CACNA1I: variants seen among roughly 807,000 people sequenced by gnomAD.
CACNA1I encodes the protein calcium voltage-gated channel subunit alpha1 I, also known as voltage-dependent T-type calcium channel subunit alpha-1I.
Under a neutral mutation model 201.6 loss-of-function variants are expected in CACNA1I, and 74 were observed. That is an observed-to-expected ratio of 0.37 (90% CI 0.30 to 0.45). The LOEUF (loss-of-function observed/expected upper bound fraction) is 0.45, where lower values mean the gene tolerates loss of function less well. CACNA1I is among the 20% of genes least tolerant of loss of function. CACNA1I has a pLI of 1.00. For synonymous variants in CACNA1I, 1,431 were observed against 1,345.2 expected, an observed-to-expected ratio of 1.06 and a Z score of -1.40; for missense variants, 2,346 against 3,138.1, an observed-to-expected ratio of 0.75 and a Z score of 6.03.
intron 1 of CACNA1I, among the ~76,000 whole-genome samples, chr22:39,579,526 G>A (rs1369972730): frequency 6.6e-6 from 1 of 152,244 alleles, no homozygotes; most frequent in Admixed American, 6.5e-5. Context: ...TGTACAAGAA[G>A]TGTGATGCCA....
intron 10 of CACNA1I, among the ~76,000 whole-genome samples, chr22:39,656,191 A>G (rs1461217413): frequency 2.6e-5 from 4 of 151,612 alleles, no homozygotes; most frequent in Non-Finnish European, 4.4e-5. Flanking sequence ...TAGCTTTCCC[A>G]GGCATCAGGC....
At chr22:39,607,404 C>T (rs1469573892) in intron 3 of CACNA1I, among the ~76,000 whole-genome samples, 1 of 152,242 alleles carries the variant, frequency 6.6e-6, no homozygotes, top group Non-Finnish European at 1.5e-5. Context: ...CTCAGGGATC[C>T]ACTGCCAGCA....
rs766393860 is a variant in CACNA1I, at chr22:39,682,501, G to A, written c.5670G>A (p.Glu1890=). Reference sequence around the variant, plus strand: ...CTACCTCCCTTTCCTTGCAGGGTGAGCTGGACCCACCTGAGCCCATGCGTG... The same window carrying A: ...CTACCTCCCTTTCCTTGCAGGGTGAACTGGACCCACCTGAGCCCATGCGTG... ...CPPGRKDSKG[E]LDPPEPMRVG... Residue 1890 remains glutamate, a synonymous_variant, in exon 35 of 37, where the codon GAG becomes GAA. Coordinates refer to ENST00000402142, the MANE Select transcript of CACNA1I (RefSeq NM_021096.4). 3.7e-6 allele frequency: 6 copies of A among 1,613,428 alleles called. No individual in the cohort carries two copies. In the East Asian group the frequency reaches 8.9e-5, roughly 24 times the overall value.
rs748486190 is a variant in CACNA1I, at chr22:39,673,021, T to C, written c.4722T>C (p.Asn1574=). 291 of 1,613,700 alleles carry C rather than the reference T, an allele frequency of 1.8e-4. 1 individual carries two copies. The East Asian group carries it at 6.4e-3, about 35-fold the overall frequency. The change falls in exon 28 of 37, where the codon AAT becomes AAC. Residue 1574 remains asparagine (N), a synonymous_variant. Coordinates refer to ENST00000402142, the MANE Select transcript of CACNA1I (RefSeq NM_021096.4). ...TCACCCTGGAGGAGATCGAGATCAA[T>C]GCGGCCCTGCCCATCAATCCCACCA... The part of the protein sequence containing the change: ...MGITLEEIEI[N]AALPINPTII...
At chr22:39,574,948 C>T (rs1932296722) in intron 1 of CACNA1I, among the ~76,000 whole-genome samples, 1 of 152,246 alleles carries the variant, frequency 6.6e-6, no homozygotes, top group Non-Finnish European at 1.5e-5. Context: ...CCTGACTCAG[C>T]TCCTCTTCCA....
chr22:39,653,723 T>C (rs909449282), intron 10 of CACNA1I, among the ~76,000 whole-genome samples: 1 of 152,162 alleles, frequency 6.6e-6, no homozygotes, highest in Non-Finnish European at 1.5e-5. Flanking sequence ...GGTGCTTGAA[T>C]GACAGGTTAG....
Position 39,662,252 on chromosome 22 carries a change from C to G in CACNA1I, c.3189C>G (p.Asp1063Glu), listed in dbSNP as rs955346028. 40 of 1,524,760 alleles carry G rather than the reference C, an allele frequency of 2.6e-5. No individual in the cohort carries two copies. The highest frequency in any genetic ancestry group is 3.2e-5 in the Non-Finnish European group (37 of 1,140,976). The allele number at this position is 1,524,760 out of a possible 1,614,324, so 94.5% of individuals were successfully genotyped here. A position where few individuals can be genotyped will look rare whatever the true frequency, so the allele number is the denominator to read the frequency against. The change falls in exon 17 of 37, where the codon GAC (aspartate) becomes GAG (glutamate). Residue 1063 changes from aspartate to glutamate, a missense_variant. Physicochemically the swap from Asp to Glu is conservative, Grantham distance 45. Around this residue, in one of 13 missense-constraint regions of CACNA1I, gnomAD observed 288 missense variants for 255.2 expected, o/e 1.13. Coordinates refer to ENST00000402142, the MANE Select transcript of CACNA1I (RefSeq NM_021096.4). ...GGACGCTGTCCCTCGACAACAGGGA[C>G]TCGGTGGACCTGGCCGAGCTGGTGC... ...HRRTLSLDNR[D>E]SVDLAELVPA...
chr22:39,677,427 A>G lies in CACNA1I; in HGVS notation c.4933+8A>G. 6.5e-7 allele frequency: 1 copy of G among 1,545,224 alleles called. No homozygotes were observed. The highest frequency in any genetic ancestry group is 1.2e-5 in the South Asian group (1 of 83,018). On this transcript the variant is annotated splice_region_variant and intron_variant, in intron 30 of 36. Transcript: ENST00000402142. The surrounding 1 kb of genome is among the most constrained non-coding windows in gnomAD (Gnocchi z 4.8). ...AGCTCTTTGGGAAGCTGGGTGAGTG[A>G]CTCCCAGAGCAGGCCCGTGGTGGGG...
intron 1 of CACNA1I, among the ~76,000 whole-genome samples, chr22:39,597,206 G>A (rs1307703398): frequency 1.3e-5 from 2 of 152,160 alleles, no homozygotes; most frequent in African/African-American, 2.4e-5. Flanking sequence ...AGCAGGCTTC[G>A]GATTTCTTAC....
Position 39,684,579 on chromosome 22 carries a change from C to G in CACNA1I, c.6027+81C>G. 6.8e-7 allele frequency: 1 copy of G among 1,475,946 alleles called. No homozygotes were observed. Among genetic ancestry groups the G allele is most frequent in the Non-Finnish European group, 9.3e-7 (1 of 1,076,136 alleles). The allele number at this position is 1,475,946 out of a possible 1,614,324, so 91.4% of individuals were successfully genotyped here. On this transcript the variant is annotated intron_variant, in intron 36 of 36. Transcript: ENST00000402142. This position sits in a 1 kb window ranked among gnomAD's most constrained non-coding sequence, Gnocchi z 4.6. The stretch of plus-strand genomic sequence containing the variant: ...AAGCCAGGCCTGGAAGTCCAAGGGA[C>G]TGGGAGGGGAAGGACCCAACCAAAG...
chr22:39,660,206 A>G (rs1404608407), intron 14 of CACNA1I, 138 bp from the exon 15 acceptor site: 1 of 643,274 alleles, frequency 1.6e-6, no homozygotes, highest in East Asian at 2.8e-5. Context: ...TCTTGTTAGC[A>G]TCTCATTTCC....
At chr22:39,662,989 C>T (rs897437543) in intron 18 of CACNA1I, 113 bp downstream of exon 18, 2 of 729,912 alleles carry the variant, frequency 2.7e-6, no homozygotes, top group African/African-American at 1.7e-5. Flanking sequence ...CACAGCGGAC[C>T]CTCCCGGCCC....
At chr22:39,606,998 C>T (rs1789649574) in intron 3 of CACNA1I, among the ~76,000 whole-genome samples, 1 of 152,160 alleles carries the variant, frequency 6.6e-6, no homozygotes, top group African/African-American at 2.4e-5. Flanking sequence ...CAACCAGAAA[C>T]AAAATGGCCA....
chr22:39,668,578 C>T (rs950081194), intron 24 of CACNA1I, among the ~76,000 whole-genome samples, 197 bp downstream of exon 24: 2 of 152,156 alleles, frequency 1.3e-5, no homozygotes, highest in African/African-American at 2.4e-5. Flanking sequence ...CGTAAGTCGT[C>T]GTTCCATTTG....
At chr22:39,664,008 G>C in intron 19 of CACNA1I, 83 bp from the exon 20 acceptor site, 2 of 1,540,946 alleles carry the variant, frequency 1.3e-6, no homozygotes, top group South Asian at 1.1e-5. Flanking sequence ...TCTCCTCTAC[G>C]AACCTTGGCC....
Position 39,679,126 on chromosome 22 carries a change from C to T in CACNA1I, c.5075C>T (p.Thr1692Ile). The change falls in exon 32 of 37, where the codon ACC becomes ATC. Residue 1692 changes from threonine to isoleucine, a missense_variant. Around this residue, in one of 13 missense-constraint regions of CACNA1I, gnomAD observed 64 missense variants for 131.8 expected, o/e 0.49. Coordinates refer to ENST00000402142, the MANE Select transcript of CACNA1I (RefSeq NM_021096.4). Reference sequence around the variant, plus strand: ...ACGCAGGACACGCTGCGGGACTGCACCCACGACGAGCGCAGCTGCCTGAGC... The same window carrying T: ...ACGCAGGACACGCTGCGGGACTGCATCCACGACGAGCGCAGCTGCCTGAGC... The part of the protein sequence containing the change: ...GIMKDTLRDC[T>I]HDERSCLSSL... 6.3e-7 allele frequency: 1 copy of T among 1,593,924 alleles called. No homozygotes were observed. Among genetic ancestry groups the T allele is most frequent in the East Asian group, 2.3e-5 (1 of 43,862 alleles).
rs1335369572 is a variant in CACNA1I, at chr22:39,686,030, C to T, written c.6297C>T (p.His2099=). ...GCTCCACCAGCCCGGGCTGCACCCA[C>T]CACGACTCCATGGACCCCTCGGACG... The part of the protein sequence containing the change: ...SGGSTSPGCT[H]HDSMDPSDEE... The change falls in exon 37 of 37, where the codon CAC becomes CAT. Residue 2099 remains histidine, a synonymous_variant. Transcript: ENST00000402142. 4.0e-6 allele frequency: 5 copies of T among 1,239,676 alleles called. No individual in the cohort carries two copies. Among genetic ancestry groups the T allele is most frequent in the Non-Finnish European group, 5.0e-6 (5 of 995,886 alleles). The allele number at this position is 1,239,676 out of a possible 1,614,324, so 76.8% of individuals were successfully genotyped here. A position where few individuals can be genotyped will look rare whatever the true frequency, so the allele number is the denominator to read the frequency against.
rs971017935 is a variant in CACNA1I at position 39,676,179 on chromosome 22, C to T, written c.4855-1162C>T. Among the ~76,000 whole-genome samples the T allele has an allele frequency of 6.6e-6, 1 of 152,206 alleles. No individual in the cohort carries two copies. The highest frequency in any genetic ancestry group is 1.5e-5 in the Non-Finnish European group (1 of 68,040). ...GGCAATCCTGGTTAAGAGATGCTGC[C>T]CCCGCCGGCCTGTGCAGGGCACAAA... On this transcript the variant is annotated intron_variant, in intron 29 of 36. Coordinates refer to ENST00000402142, the MANE Select transcript of CACNA1I (RefSeq NM_021096.4). This position sits in a 1 kb window ranked among gnomAD's most constrained non-coding sequence, Gnocchi z 4.8.
intron 20 of CACNA1I, 113 bp from the exon 21 acceptor site, chr22:39,664,626 C>CA: frequency 2.2e-6 from 1 of 457,528 alleles, no homozygotes; most frequent in Non-Finnish European, 4.0e-6. Flanking sequence ...ACCCCGCCCC[C>CA]TCCCCGAAGC....
Sources: gnomAD v4.1 joint callset for allele counts (sites outside exome capture counted in the v4.1 genomes callset) on GRCh38, gnomAD v4.1.1 for gene constraint, gnomAD v4.1.1 regional missense constraint, Gnocchi (gnomAD v3.1) non-coding constraint, MANE v1.5 for transcripts, NCBI Gene and HGNC (gene_info 2026-07-23, HGNC 2026-07-21) for gene names.